Variants in MICU1 observed in about 807,000 individuals in gnomAD.
MICU1 encodes calcium uptake protein 1, mitochondrial.
A neutral mutation model predicts 56.8 loss-of-function variants in MICU1; 45 were observed. The observed-to-expected ratio is 0.79, with a 90% CI of 0.62 to 1.02. The LOEUF is 1.02. MICU1 is among the 50% of genes least tolerant of loss of function. The pLI is 0.00. For missense variants in MICU1, 504 were observed against 587.1 expected (o/e 0.86, Z 1.46); for synonymous variants, 186 against 195.1 (o/e 0.95, Z 0.39).
chr10:72,549,047 G>C (rs1479121266), intron 4 of MICU1, among the ~76,000 whole-genome samples: 1 of 151,988 alleles, frequency 6.6e-6, no homozygotes, highest in Non-Finnish European at 1.5e-5. Context: ...GAGGGGTGAT[G>C]GTTCTATATA....
At chr10:72,593,726 T>C (rs189613239) in intron 1 of MICU1, among the ~76,000 whole-genome samples, 2 of 152,264 alleles carry the variant, frequency 1.3e-5, no homozygotes, top group African/African-American at 2.4e-5. Context: ...TTCTATACAC[T>C]AGTGATAAAC....
intron 3 of MICU1, among the ~76,000 whole-genome samples, chr10:72,559,506 G>C (rs969931937): frequency 5.4e-4 from 81 of 151,296 alleles, no homozygotes; most frequent in African/African-American, 1.9e-3. Context: ...AAAATTAAGA[G>C]AACATAAAAA....
intron 8 of MICU1, among the ~76,000 whole-genome samples, chr10:72,449,019 G>A (rs889305276): frequency 6.6e-6 from 1 of 152,020 alleles, no homozygotes; most frequent in Non-Finnish European, 1.5e-5. Context: ...ACGTAGCCTC[G>A]ACCTCCTGGG....
intron 8 of MICU1, among the ~76,000 whole-genome samples, chr10:72,442,155 C>T (rs1465213438): frequency 6.6e-6 from 1 of 151,934 alleles, no homozygotes; most frequent in Non-Finnish European, 1.5e-5. Flanking sequence ...GTGCCTAATG[C>T]TTTTTCTTTT....
intron 1 of MICU1, among the ~76,000 whole-genome samples, chr10:72,572,012 TA>T (rs567595390): frequency 1.2e-3 from 169 of 138,630 alleles, no homozygotes; most frequent in East Asian, 1.4e-3. Flanking sequence ...GGTACTATGG[TA>T]AAAAAAAAAA....
At chr10:72,403,310 A>C (rs1863518663) in intron 10 of MICU1, among the ~76,000 whole-genome samples, 1 of 151,980 alleles carries the variant, frequency 6.6e-6, no homozygotes, top group African/African-American at 2.4e-5. Flanking sequence ...GTGAGCCGAG[A>C]TCACGCCACT....
At chr10:72,588,893 T>C (rs932742551) in intron 1 of MICU1, among the ~76,000 whole-genome samples, 1 of 152,180 alleles carries the variant, frequency 6.6e-6, no homozygotes, top group Non-Finnish European at 1.5e-5. Context: ...GAATTCATTG[T>C]AAAACTAACT....
intron 5 of MICU1, chr10:72,509,270 A>T: frequency 1.4e-6 from 1 of 695,928 alleles, no homozygotes; most frequent in South Asian, 1.5e-5. Flanking sequence ...CAATCAAAGT[A>T]ATAATGTCAT....
chr10:72,472,483 G>A (rs1865981266), intron 8 of MICU1, among the ~76,000 whole-genome samples: 1 of 152,012 alleles, frequency 6.6e-6, no homozygotes, highest in Non-Finnish European at 1.5e-5. Flanking sequence ...ACTTAGCCTT[G>A]AGCTTTTCAC....
At chr10:72,389,041 GC>G (rs1186394956) in intron 10 of MICU1, among the ~76,000 whole-genome samples, 1 of 152,236 alleles carries the variant, frequency 6.6e-6, no homozygotes, top group Non-Finnish European at 1.5e-5. Context: ...ATTGTGCCTG[GC>G]ACAGAGAAAC....
chr10:72,379,006 T>C (rs1406707311), intron 10 of MICU1, among the ~76,000 whole-genome samples: 2 of 152,170 alleles, frequency 1.3e-5, no homozygotes, highest in African/African-American at 4.8e-5. Context: ...TAAGATATTG[T>C]GGTGGATATT....
chr10:72,414,634 A>T (rs916314195), intron 9 of MICU1, among the ~76,000 whole-genome samples: 4 of 152,252 alleles, frequency 2.6e-5, no homozygotes, highest in Non-Finnish European at 5.9e-5. Flanking sequence ...AAATTTACTA[A>T]AATTCACTAA....
intron 3 of MICU1, among the ~76,000 whole-genome samples, chr10:72,561,661 A>C (rs1315632873): frequency 6.6e-6 from 1 of 152,160 alleles, no homozygotes; most frequent in Admixed American, 6.5e-5. Context: ...CAAATACAAA[A>C]ATTAGCGGGG....
chr10:72,601,213 T>C (rs1031376476), intron 1 of MICU1, among the ~76,000 whole-genome samples: 2 of 152,000 alleles, frequency 1.3e-5, no homozygotes, highest in African/African-American at 4.8e-5. Context: ...CTTGAGCCCA[T>C]GCATTCAAGA....
intron 5 of MICU1, among the ~76,000 whole-genome samples, chr10:72,519,128 A>T (rs1867744421): frequency 1.3e-5 from 2 of 152,238 alleles, no homozygotes; most frequent in African/African-American, 4.8e-5. Flanking sequence ...ATGCAGGTCA[A>T]ATGACAAGAA....
intron 10 of MICU1, among the ~76,000 whole-genome samples, chr10:72,393,169 G>A (rs966513663): frequency 6.6e-6 from 1 of 152,112 alleles, no homozygotes; most frequent in African/African-American, 2.4e-5. Flanking sequence ...TATAATTATT[G>A]AGTTCTTCCT....
intron 1 of MICU1, among the ~76,000 whole-genome samples, chr10:72,567,158 G>A (rs1840461141): frequency 6.6e-6 from 1 of 151,866 alleles, no homozygotes; most frequent in African/African-American, 2.4e-5. Flanking sequence ...AGAACGGCCT[G>A]GACAACATAG....
At chr10:72,587,622 A>G (rs1841099387) in intron 1 of MICU1, among the ~76,000 whole-genome samples, 1 of 151,900 alleles carries the variant, frequency 6.6e-6, no homozygotes, top group Non-Finnish European at 1.5e-5. Context: ...ATACAACGAC[A>G]ACAACAACAA....
Position 72,463,283 on chromosome 10 carries a change from G to A in MICU1, c.933+11817C>T, listed in dbSNP as rs1297046271. ...TCTCCATGTTGGTCAGGCTGGTCTC[G>A]AACTCCCAACATCAGGTGATCTGCC... On this transcript the variant is annotated intron_variant, in intron 8 of 11. Transcript: ENST00000361114. Among the ~76,000 whole-genome samples, 4 of 152,156 alleles carry A rather than the reference G, an allele frequency of 2.6e-5. No individual in the cohort carries two copies. The East Asian group carries it at 5.8e-4, about 22-fold the overall frequency.
Sources: gnomAD v4.1 joint callset for allele counts (sites outside exome capture counted in the v4.1 genomes callset) on GRCh38, gnomAD v4.1.1 for gene constraint, MANE v1.5 for transcripts, NCBI Gene and HGNC (gene_info 2026-07-23, HGNC 2026-07-21) for gene names.